Variants in DRICH1 observed in about 807,000 individuals in gnomAD.
DRICH1 encodes the protein aspartate-rich protein 1.
A neutral mutation model predicts 39.5 loss-of-function variants in DRICH1; 38 were observed. The ratio of observed to expected loss-of-function variants is 0.96; its 90% CI spans 0.74 to 1.26. The LOEUF is 1.26. Ranked by LOEUF, DRICH1 falls within the 50% of genes most tolerant of loss-of-function variation. DRICH1 has a pLI of 0.00. For missense variants in DRICH1, 279 were observed against 270.4 expected (o/e 1.03, Z -0.22); for synonymous variants, 84 against 99.5 (o/e 0.84, Z 0.93).
chr22:23,604,068 T>C (rs1926606643), downstream of DRICH1, among the ~76,000 whole-genome samples: 1 of 152,086 alleles, frequency 6.6e-6, no homozygotes, highest in African/African-American at 2.4e-5. Flanking sequence ...ACTGCCTGGG[T>C]CACCACAACA....
At chr22:23,623,067 T>TTTTTTGTTTGATGCCAA (rs1569094201) in intron 3 of DRICH1, among the ~76,000 whole-genome samples, 1 of 152,226 alleles carries the variant, frequency 6.6e-6, no homozygotes, top group Admixed American at 6.5e-5. Context: ...TACATAAATT[T>TTTTTTGTTTGATGCCAA]TTTTTGTTTG....
intron 2 of DRICH1, among the ~76,000 whole-genome samples, chr22:23,625,553 T>C (rs12166440): frequency 0.12 from 18,338 of 152,030 alleles, 1,430 homozygotes; most frequent in Middle Eastern, 0.2. Context: ...GCCTGCAAAA[T>C]AGCTCGCTTT....
At chr22:23,611,842 G>A (rs901642687) in intron 11 of DRICH1, among the ~76,000 whole-genome samples, 4 of 152,108 alleles carry the variant, frequency 2.6e-5, no homozygotes, top group Admixed American at 2.6e-4. Context: ...AACCTACTGC[G>A]CTGCGTCATT....
At chr22:23,600,207 T>C in the DRICH1 span, among the ~76,000 whole-genome samples, 1 of 152,146 alleles carries the variant, frequency 6.6e-6, no homozygotes, top group African/African-American at 2.4e-5. Context: ...GGGCAGCAAT[T>C]GAAAGGGTCC....
At chr22:23,625,838 A>G in intron 2 of DRICH1, 143 bp downstream of exon 2, 1 of 673,026 alleles carries the variant, frequency 1.5e-6, no homozygotes, top group South Asian at 1.8e-5. Flanking sequence ...GTCTGCACCC[A>G]GATCTTGCAA....
intron 1 of DRICH1, among the ~76,000 whole-genome samples, chr22:23,627,521 C>T (rs1472183465): frequency 1.3e-5 from 2 of 152,164 alleles, no homozygotes; most frequent in African/African-American, 4.8e-5. Context: ...TAGTTTGCAG[C>T]TCTGCTCCTA....
downstream of DRICH1, among the ~76,000 whole-genome samples, chr22:23,605,161 G>T (rs138949970): frequency 2.0e-5 from 3 of 152,302 alleles, no homozygotes; most frequent in Non-Finnish European, 4.4e-5. Flanking sequence ...GGGGTATAAA[G>T]TTCACCAGTG....
At chr22:23,629,561 C>G (rs1301665949) in intron 1 of DRICH1, among the ~76,000 whole-genome samples, 1 of 152,176 alleles carries the variant, frequency 6.6e-6, no homozygotes, top group African/African-American at 2.4e-5. Context: ...GTCCTGAGTT[C>G]TGACGTGGCA....
chr22:23,592,833 A>AGTACAC, the DRICH1 span, among the ~76,000 whole-genome samples: 310 of 107,756 alleles, frequency 2.9e-3, 2 homozygotes, highest in African/African-American at 0.01. Context: ...CTCTATTAAA[A>AGTACAC]ATACACACAC....
chr22:23,626,262 G>C (rs1019540909), intron 1 of DRICH1, among the ~76,000 whole-genome samples: 4 of 152,132 alleles, frequency 2.6e-5, no homozygotes, highest in African/African-American at 7.2e-5. Flanking sequence ...CTTGCATTCC[G>C]AAGTCCCAGA....
intron 11 of DRICH1, 56 bp from the exon 12 acceptor site, chr22:23,608,824 A>G: frequency 6.5e-7 from 1 of 1,544,008 alleles, no homozygotes; most frequent in Non-Finnish European, 8.8e-7. Flanking sequence ...TTTGTGCACT[A>G]TGACATCATC....
the DRICH1 span, among the ~76,000 whole-genome samples, chr22:23,599,226 C>A: frequency 6.6e-6 from 1 of 152,344 alleles, no homozygotes; most frequent in East Asian, 1.9e-4. Flanking sequence ...CCTGTTCCTG[C>A]CCCTCTGCAG....
chr22:23,602,962 C>T, the DRICH1 span, among the ~76,000 whole-genome samples: 4 of 150,856 alleles, frequency 2.7e-5, no homozygotes, highest in African/African-American at 9.8e-5. Context: ...CCCTAACATT[C>T]GACATTTAGG....
downstream of DRICH1, chr22:23,607,259 C>G (rs1926781602): frequency 6.6e-6 from 1 of 152,382 alleles, no homozygotes; most frequent in African/African-American, 2.4e-5. Context: ...TCCTGTGTGC[C>G]AGGCATTGTC....
chr22:23,621,084 A>G lies in DRICH1; in HGVS notation c.385-469T>C, dbSNP rs190082686. On this transcript the variant is annotated intron_variant, in intron 4 of 11. Transcript: ENST00000317749. ...AATTGAGAAGGAAAGAAATCAGGTG[A>G]AGGAAATAATGTATACAGTGGTCCA... Among the ~76,000 whole-genome samples, 7 of 152,304 alleles carry G rather than the reference A, an allele frequency of 4.6e-5. No homozygotes were observed. The East Asian group carries it at 1.4e-3, about 29-fold the overall frequency.
chr22:23,600,873 C>T, the DRICH1 span, among the ~76,000 whole-genome samples: 3 of 151,846 alleles, frequency 2.0e-5, no homozygotes, highest in Admixed American at 6.6e-5. Flanking sequence ...GGGGTTTCAC[C>T]GTGTTAGCCA....
intron 11 of DRICH1, among the ~76,000 whole-genome samples, chr22:23,612,301 ACCAAAAATACAAAAAAT>A (rs1927078348): frequency 6.6e-6 from 1 of 151,736 alleles, no homozygotes; most frequent in Non-Finnish European, 1.5e-5. Flanking sequence ...CCCTGTCTCC[ACCAAAAATACAAAAAAT>A]TAGCCAGGCA....
At chr22:23,593,838 C>T in the DRICH1 span, among the ~76,000 whole-genome samples, 4 of 151,320 alleles carry the variant, frequency 2.6e-5, no homozygotes, top group Middle Eastern at 3.4e-3. Context: ...ATTAGCCGGG[C>T]GTGGTGGCGC....
At chr22:23,592,742 AG>A in the DRICH1 span, among the ~76,000 whole-genome samples, 1 of 152,078 alleles carries the variant, frequency 6.6e-6, no homozygotes, top group Non-Finnish European at 1.5e-5. Context: ...CTGTAATCCC[AG>A]CACTTTGGGA....
Sources: allele counts gnomAD v4.1 joint callset (sites outside exome capture counted in the v4.1 genomes callset), GRCh38; gene constraint gnomAD v4.1.1; transcripts MANE v1.5; gene names NCBI Gene and HGNC (gene_info 2026-07-23, HGNC 2026-07-21).